The following SUCLG2 variants were observed in gnomAD, a reference collection of about 807,000 sequenced individuals.
SUCLG2 encodes the protein succinate-CoA ligase GDP-forming subunit beta.
Under a neutral mutation model 47.9 loss-of-function variants are expected in SUCLG2, and 42 were observed. That is an observed-to-expected ratio of 0.88 (90% CI 0.69 to 1.14). The LOEUF (loss-of-function observed/expected upper bound fraction) is 1.14. Ranked by LOEUF, SUCLG2 falls within the 50% of genes most tolerant of loss-of-function variation. The pLI is 0.00. For missense variants in SUCLG2, 571 were observed against 525.9 expected (o/e 1.09, Z -0.84); for synonymous variants, 195 against 197.3 (o/e 0.99, Z 0.10).
chr3:67,556,754 A>G (rs1707171978), intron 2 of SUCLG2, among the ~76,000 whole-genome samples: 7 of 152,202 alleles, frequency 4.6e-5, no homozygotes. Flanking sequence ...TTTATGTACA[A>G]ACCAGTAAGA....
intron 2 of SUCLG2, among the ~76,000 whole-genome samples, chr3:67,593,005 A>G (rs1708207767): frequency 6.6e-6 from 1 of 152,204 alleles, no homozygotes. Flanking sequence ...AATGAAGGCT[A>G]TTAGGAAAAT....
At chr3:67,548,287 A>C (rs1706919116) in intron 2 of SUCLG2, among the ~76,000 whole-genome samples, 1 of 152,164 alleles carries the variant, frequency 6.6e-6, no homozygotes, top group Non-Finnish European at 1.5e-5. Flanking sequence ...CCAATGTTCT[A>C]TTATTAAAAT....
chr3:67,496,036 C>G, intron 8 of SUCLG2, 96 bp from the exon 9 acceptor site: 1 of 1,476,096 alleles, frequency 6.8e-7, no homozygotes, highest in Non-Finnish European at 9.2e-7. Context: ...AGAGAGAACT[C>G]TGTCATTGCC....
chr3:67,514,455 C>T (rs1376095530), intron 6 of SUCLG2: 1 of 245,954 alleles, frequency 4.1e-6, no homozygotes, highest in East Asian at 1.1e-4. Context: ...TCACGTACGC[C>T]TCTCAAATCT....
intron 9 of SUCLG2, among the ~76,000 whole-genome samples, chr3:67,422,591 G>C (rs1031875867): frequency 6.7e-6 from 1 of 149,990 alleles, no homozygotes; most frequent in Admixed American, 6.7e-5. Flanking sequence ...TGACCAGAAA[G>C]TCATAGTCTT....
intron 1 of SUCLG2, among the ~76,000 whole-genome samples, chr3:67,621,260 A>G (rs1299205405): frequency 6.6e-6 from 1 of 152,126 alleles, no homozygotes; most frequent in Non-Finnish European, 1.5e-5. Flanking sequence ...GAAAGAAATG[A>G]GGGGATTCTG....
chr3:67,596,420 A>C (rs1708293463), intron 2 of SUCLG2, among the ~76,000 whole-genome samples: 3 of 152,126 alleles, frequency 2.0e-5, no homozygotes, highest in African/African-American at 7.2e-5. Context: ...TCAGAAAAAA[A>C]CTCTGTTTGT....
intron 1 of SUCLG2, among the ~76,000 whole-genome samples, chr3:67,614,691 G>A (rs1277488000): frequency 6.6e-6 from 1 of 152,018 alleles, no homozygotes; most frequent in Non-Finnish European, 1.5e-5. Context: ...ACCCTATACT[G>A]GAGAAGTTTC....
At chr3:67,384,627 T>C (rs1702223715) in intron 10 of SUCLG2, among the ~76,000 whole-genome samples, 1 of 152,218 alleles carries the variant, frequency 6.6e-6, no homozygotes, top group South Asian at 2.1e-4. Context: ...ATCTGGTGTT[T>C]CCCAGCTTGC....
At chr3:67,516,933 G>A (rs1221602783) in intron 6 of SUCLG2, among the ~76,000 whole-genome samples, 1 of 152,188 alleles carries the variant, frequency 6.6e-6, no homozygotes, top group Non-Finnish European at 1.5e-5. Context: ...AATGGCTAAT[G>A]TAGCTGGTAT....
chr3:67,629,062 C>T (rs948009923), intron 1 of SUCLG2, among the ~76,000 whole-genome samples: 5 of 152,266 alleles, frequency 3.3e-5, no homozygotes, highest in Non-Finnish European at 5.9e-5. Flanking sequence ...ATAATCTGTT[C>T]GGTACGCTTT....
At chr3:67,571,018 G>A (rs1348883921) in intron 2 of SUCLG2, among the ~76,000 whole-genome samples, 2 of 152,084 alleles carry the variant, frequency 1.3e-5, no homozygotes, top group Non-Finnish European at 2.9e-5. Context: ...ATTCCATGTA[G>A]GGATGAAACC....
At position 67,375,654 on chromosome 3, in the gene SUCLG2, C is replaced by A; in HGVS notation, c.*90G>T. The A allele has an allele frequency of 6.8e-7, 1 of 1,470,670 alleles. No homozygotes were observed. The highest frequency in any genetic ancestry group is 1.5e-5 in the South Asian group (1 of 68,220). The allele number at this position is 1,470,670 out of a possible 1,614,324, so 91.1% of individuals were successfully genotyped here. A position where few individuals can be genotyped will look rare whatever the true frequency, so the allele number is the denominator to read the frequency against. On this transcript the variant is annotated 3_prime_UTR_variant, in exon 11 of 11. Coordinates refer to ENST00000307227, the MANE Select transcript of SUCLG2 (RefSeq NM_003848.4). Reference sequence around the variant, plus strand: ...TGCCTTCCCCCTCCCCTTTTCTTCCCCAATGAGATAACCATTTCTTTCACA... The same window carrying A: ...TGCCTTCCCCCTCCCCTTTTCTTCCACAATGAGATAACCATTTCTTTCACA...
intron 9 of SUCLG2, among the ~76,000 whole-genome samples, chr3:67,485,029 C>T (rs1415095654): frequency 6.6e-6 from 1 of 152,130 alleles, no homozygotes; most frequent in Non-Finnish European, 1.5e-5. Flanking sequence ...CCTCACTGAC[C>T]TGAATATACC....
chr3:67,614,006 T>C (rs2242021), intron 1 of SUCLG2, among the ~76,000 whole-genome samples: 74,176 of 151,986 alleles, frequency 0.49, 19,025 homozygotes, highest in African/African-American at 0.64. Flanking sequence ...GAGGTGGAGA[T>C]GTGAATAGGT....
intron 10 of SUCLG2, among the ~76,000 whole-genome samples, chr3:67,377,747 G>A (rs1450062106): frequency 6.6e-6 from 1 of 152,086 alleles, no homozygotes; most frequent in African/African-American, 2.4e-5. Context: ...TCAGCCTCCG[G>A]TGCCCAAGTG....
chr3:67,600,043 A>G (rs1575807537), intron 2 of SUCLG2, among the ~76,000 whole-genome samples: 1 of 152,348 alleles, frequency 6.6e-6, no homozygotes, highest in Non-Finnish European at 1.5e-5. Context: ...GCATAATTCC[A>G]TATGTAATAT....
chr3:67,574,219 G>A (rs1707688276), intron 2 of SUCLG2, among the ~76,000 whole-genome samples: 1 of 152,162 alleles, frequency 6.6e-6, no homozygotes, highest in Non-Finnish European at 1.5e-5. Flanking sequence ...GGTCCCCCTA[G>A]TAATCCAGGA....
intron 9 of SUCLG2, among the ~76,000 whole-genome samples, chr3:67,452,299 T>A (rs929593143): frequency 6.6e-6 from 1 of 152,194 alleles, no homozygotes; most frequent in Non-Finnish European, 1.5e-5. Flanking sequence ...TAAGTTATCA[T>A]AATATTTTTA....
Sources: gnomAD v4.1 joint callset for allele counts (sites outside exome capture counted in the v4.1 genomes callset) on GRCh38, gnomAD v4.1.1 for gene constraint, MANE v1.5 for transcripts, NCBI Gene and HGNC (gene_info 2026-07-23, HGNC 2026-07-21) for gene names.